Variants in CDK14 observed in about 807,000 individuals in gnomAD.
The protein encoded by CDK14 is cyclin-dependent kinase 14.
CDK14 carries 34 observed loss-of-function variants against 60.7 expected under a neutral mutation model. The ratio of observed to expected loss-of-function variants is 0.56; its 90% CI spans 0.43 to 0.75. The LOEUF (loss-of-function observed/expected upper bound fraction) is 0.75. Among genes scored for constraint, CDK14 ranks in the 30% least tolerant of loss-of-function variants. The pLI is 0.00. For synonymous variants in CDK14, 197 were observed against 203.7 expected (o/e 0.97, Z 0.28); for missense variants, 482 against 564.1 (o/e 0.85, Z 1.47).
intron 7 of CDK14, among the ~76,000 whole-genome samples, chr7:90,906,539 T>C (rs1024485361): frequency 3.3e-5 from 5 of 151,686 alleles, no homozygotes; most frequent in African/African-American, 1.2e-4. Context: ...TTTTGACTTT[T>C]AGTTTCATCA....
At chr7:90,827,796 G>C (rs993073533) in intron 5 of CDK14, among the ~76,000 whole-genome samples, 1 of 152,082 alleles carries the variant, frequency 6.6e-6, no homozygotes, top group African/African-American at 2.4e-5. Context: ...TAATATATTT[G>C]GTTCTTTTAA....
In CDK14 at chr7:91,079,494, C is replaced by T. The variant is rs770487698; in HGVS notation, c.1154+14C>T. ...AGCATGGAATAAGTAAGTCTTTATA[C>T]AGATTGTGCTCATTCTCTTTCTTTC... On this transcript the variant is annotated intron_variant, in intron 12 of 14. Transcript: ENST00000380050. 103 of 1,561,790 alleles carry T rather than the reference C, an allele frequency of 6.6e-5. 1 individual carries two copies. In the South Asian group the frequency reaches 6.8e-4, roughly 10 times the overall value.
intron 10 of CDK14, among the ~76,000 whole-genome samples, chr7:90,998,858 C>T (rs1012189988): frequency 6.6e-6 from 1 of 152,030 alleles, no homozygotes; most frequent in African/African-American, 2.4e-5. Flanking sequence ...CACTGCACTC[C>T]AGCCTGGGCG....
At chr7:90,880,532 C>A (rs1791712086) in intron 6 of CDK14, among the ~76,000 whole-genome samples, 1 of 152,140 alleles carries the variant, frequency 6.6e-6, no homozygotes, top group African/African-American at 2.4e-5. Flanking sequence ...TCCAGGCAGC[C>A]CAGATGAGTG....
rs564269735 is a variant in CDK14, at chr7:90,794,287, G to A, written c.544+3635G>A. Among the ~76,000 whole-genome samples the A allele has an allele frequency of 1.7e-3, 261 of 152,160 alleles. 2 individuals carry two copies. Among genetic ancestry groups the A allele is most frequent in the African/African-American group, 6.0e-3 (250 of 41,518 alleles). The stretch of plus-strand genomic sequence containing the variant: ...AAATTAAAATTGCTAATGAAGTTTC[G>A]GGCACGCATTGTCATTGATAACATC... On this transcript the variant is annotated intron_variant, in intron 5 of 14. Transcript: ENST00000380050.
At chr7:90,626,390 C>T (rs1799877174) in intron 2 of CDK14, among the ~76,000 whole-genome samples, 2 of 152,152 alleles carry the variant, frequency 1.3e-5, no homozygotes, top group African/African-American at 4.8e-5. Context: ...CTCTCTTACT[C>T]AGCTGTTGTT....
chr7:90,613,727 G>A (rs1200364649), intron 2 of CDK14, among the ~76,000 whole-genome samples: 6 of 151,946 alleles, frequency 3.9e-5, no homozygotes, highest in African/African-American at 1.5e-4. Flanking sequence ...GACCTTTGAC[G>A]TAGGAAGTCT....
chr7:90,726,806 C>T lies in CDK14; in HGVS notation c.363C>T (p.Pro121=), dbSNP rs1164971851. The T allele has an allele frequency of 1.2e-6, 2 of 1,613,338 alleles. No individual in the cohort carries two copies. Among genetic ancestry groups the T allele is most frequent in the African/African-American group, 2.7e-5 (2 of 74,896 alleles). ...CTAAAGTTAGGCGGCACTCCAGCCCCAGCTCGGTAAGTGCAGTCTTTTTGT... is the reference window on the plus strand; with the variant it reads ...CTAAAGTTAGGCGGCACTCCAGCCCTAGCTCGGTAAGTGCAGTCTTTTTGT... ...ESPKVRRHSS[P]SSPTSPKFGK... The change falls in exon 3 of 15, where the codon CCC becomes CCT. Residue 121 remains proline, a synonymous_variant. Coordinates refer to ENST00000380050, the MANE Select transcript of CDK14 (RefSeq NM_001287135.2).
intron 10 of CDK14, among the ~76,000 whole-genome samples, chr7:91,041,884 G>A (rs1226352335): frequency 1.3e-5 from 2 of 152,170 alleles, no homozygotes; most frequent in African/African-American, 4.8e-5. Flanking sequence ...AACATTTACT[G>A]GGTGCATATC....
chr7:90,894,121 A>C (rs185772226), intron 6 of CDK14, among the ~76,000 whole-genome samples: 1 of 152,170 alleles, frequency 6.6e-6, no homozygotes, highest in East Asian at 1.9e-4. Flanking sequence ...CATCATCATC[A>C]TGAATCATCA....
At chr7:91,099,013 T>A (rs750384980) in intron 12 of CDK14, among the ~76,000 whole-genome samples, 2 of 152,184 alleles carry the variant, frequency 1.3e-5, no homozygotes, top group Non-Finnish European at 2.9e-5. Context: ...TTTTTTCTTC[T>A]CTTTTCATGA....
intron 5 of CDK14, chr7:90,824,598 G>T (rs2117088496): frequency 6.6e-6 from 1 of 152,290 alleles, no homozygotes; most frequent in Admixed American, 6.5e-5. Flanking sequence ...TTAAGTTGCT[G>T]CTACTCATTA....
In CDK14 at chr7:90,611,909, T is replaced by G. The variant is rs1272579042; in HGVS notation, c.123+7660T>G. Among the ~76,000 whole-genome samples, 20 of 148,166 alleles carry G rather than the reference T, an allele frequency of 1.3e-4. No homozygotes were observed. In the Admixed American group the frequency reaches 1.4e-3, roughly 10 times the overall value. On this transcript the variant is annotated intron_variant, in intron 2 of 14. Transcript: ENST00000380050. The stretch of plus-strand genomic sequence containing the variant: ...GTGCAGTGGCGCAATCTCGGCTCAC[T>G]GCAACCTCCACCTCCAGGGTTCAAG...
At chr7:91,195,944 T>C (rs1261160455) in intron 14 of CDK14, among the ~76,000 whole-genome samples, 1 of 152,240 alleles carries the variant, frequency 6.6e-6, no homozygotes, top group African/African-American at 2.4e-5. Flanking sequence ...GGCAAACATG[T>C]GTCTGTCCCA....
At chr7:91,111,199 C>CT (rs1210396879) in intron 12 of CDK14, among the ~76,000 whole-genome samples, 4 of 152,138 alleles carry the variant, frequency 2.6e-5, no homozygotes, top group African/African-American at 9.7e-5. Context: ...TTTTTCTTTG[C>CT]TTTTCCCCTT....
intron 5 of CDK14, among the ~76,000 whole-genome samples, chr7:90,851,040 A>C (rs1790631586): frequency 6.6e-6 from 1 of 152,228 alleles, no homozygotes. Flanking sequence ...CCATGACCAC[A>C]GCAAAAAAAC....
chr7:90,752,858 A>G (rs1263070794), intron 4 of CDK14, among the ~76,000 whole-genome samples: 2 of 152,188 alleles, frequency 1.3e-5, no homozygotes, highest in African/African-American at 2.4e-5. Context: ...AGAGACTATT[A>G]GGAACAACTC....
chr7:91,065,852 A>G (rs1213331126), intron 11 of CDK14, among the ~76,000 whole-genome samples: 1 of 152,180 alleles, frequency 6.6e-6, no homozygotes, highest in Non-Finnish European at 1.5e-5. Context: ...AGCCAAAAGG[A>G]TTTGAGTGTG....
At chr7:90,969,721 A>G (rs1794862776) in intron 9 of CDK14, among the ~76,000 whole-genome samples, 1 of 152,086 alleles carries the variant, frequency 6.6e-6, no homozygotes, top group African/African-American at 2.4e-5. Flanking sequence ...TTCTCCTTTC[A>G]TTGTTCCATA....
Sources: allele counts gnomAD v4.1 joint callset (sites outside exome capture counted in the v4.1 genomes callset), GRCh38; gene constraint gnomAD v4.1.1; transcripts MANE v1.5; gene names NCBI Gene and HGNC (gene_info 2026-07-23, HGNC 2026-07-21).